AGBL2: variants seen among roughly 807,000 people sequenced by gnomAD.
AGBL2 encodes the protein cytosolic carboxypeptidase 2.
Under a neutral mutation model 103.0 loss-of-function variants are expected in AGBL2, and 87 were observed. The ratio of observed to expected loss-of-function variants is 0.84; its 90% CI spans 0.71 to 1.01. The LOEUF is 1.01. Among genes scored for constraint, AGBL2 ranks in the 50% least tolerant of loss-of-function variants. The pLI, the probability that AGBL2 is intolerant of heterozygous loss-of-function variation, is 0.00. For missense variants in AGBL2, 904 were observed against 1,023.5 expected (o/e 0.88, Z 1.59); for synonymous variants, 335 against 356.7 (o/e 0.94, Z 0.69).
rs56307962 is a variant in AGBL2 at position 47,679,058 on chromosome 11, C to CAAAAAAAAAAAA, written c.2016+903_2016+914dup. ...TGGGCGACAGATGGAGACCCTGTCT[C>CAAAAAAAAAAAA]AAAAAAAAAAAAAAAAAAAAAAAAA... On this transcript the variant is annotated intron_variant, in intron 13 of 18. Coordinates refer to ENST00000525123, the MANE Select transcript of AGBL2 (RefSeq NM_024783.4). 5.3e-4 allele frequency among the ~76,000 whole-genome samples: 15 copies of CAAAAAAAAAAAA among 28,194 alleles called. 1 individual carries two copies. Among genetic ancestry groups the CAAAAAAAAAAAA allele is most frequent in the African/African-American group, 2.7e-3 (12 of 4,440 alleles). The allele number at this position is 28,194 out of a possible 152,430, so 18.5% of individuals were successfully genotyped here.
chr11:47,690,432 T>C lies in AGBL2; in HGVS notation c.1275A>G (p.Leu425=). The C allele has an allele frequency of 6.2e-7, 1 of 1,614,144 alleles. No homozygotes were observed. Among genetic ancestry groups the C allele is most frequent in the Non-Finnish European group, 8.5e-7 (1 of 1,180,016 alleles). Reference sequence around the variant, plus strand: ...CGGTATTTCCTGCTAGGCTCCTGCATAAAGTTTGGAGCTTGCAGAACTGAG... The same window carrying C: ...CGGTATTTCCTGCTAGGCTCCTGCACAAAGTTTGGAGCTTGCAGAACTGAG... The part of the protein sequence containing the change: ...IQSQFCKLQT[L]CRSLAGNTVY... Residue 425 remains leucine, a synonymous_variant, in exon 10 of 19, where the codon TTA becomes TTG. Coordinates refer to ENST00000525123, the MANE Select transcript of AGBL2 (RefSeq NM_024783.4).
At chr11:47,694,229 C>CAAA (rs34944577) in intron 8 of AGBL2, among the ~76,000 whole-genome samples, 1 of 125,812 alleles carries the variant, frequency 7.9e-6, no homozygotes, top group Non-Finnish European at 1.7e-5. Flanking sequence ...ACTCCCAAGC[C>CAAA]AAAAAAAAAA....
chr11:47,699,610 A>G, intron 7 of AGBL2, 57 bp from the exon 8 acceptor site: 1 of 933,836 alleles, frequency 1.1e-6, no homozygotes, highest in Non-Finnish European at 1.6e-6. Flanking sequence ...CGGCACTATC[A>G]GAACTAATAT....
At chr11:47,685,652 C>A (rs1209232825) in intron 11 of AGBL2, among the ~76,000 whole-genome samples, 1 of 151,834 alleles carries the variant, frequency 6.6e-6, no homozygotes, top group African/African-American at 2.4e-5. Flanking sequence ...GAACTCCTGA[C>A]CTCAGGTAAT....
intron 15 of AGBL2, among the ~76,000 whole-genome samples, chr11:47,668,312 G>A (rs1188063344): frequency 1.3e-5 from 2 of 149,122 alleles, no homozygotes; most frequent in Non-Finnish European, 3.0e-5. Flanking sequence ...TTTGAGACCA[G>A]GATGGCCAAC....
chr11:47,678,338 A>ATTT (rs1196435610), intron 13 of AGBL2, among the ~76,000 whole-genome samples: 7 of 95,284 alleles, frequency 7.3e-5, no homozygotes, highest in South Asian at 3.8e-4. Flanking sequence ...TTATTTTATT[A>ATTT]TTTTATTTTT....
At position 47,685,996 on chromosome 11, in the gene AGBL2, C is replaced by T. The variant is rs570238638; in HGVS notation, c.1685G>A (p.Arg562His). The change falls in exon 11 of 19, where the codon CGT (arginine) becomes CAT (histidine). Residue 562 changes from arginine to histidine, a missense_variant. By Grantham distance (29) the Arg-to-His change is conservative. Coordinates refer to ENST00000525123, the MANE Select transcript of AGBL2 (RefSeq NM_024783.4). ...LLYCDFHGHS[R>H]KNNIFLYGCN... is the part of the protein sequence containing the mutation. Reference sequence around the variant, plus strand: ...GCCATACAGGAAGATATTATTCTTACGACTGTGGCCATGGAAATCACAATA... The same window carrying T: ...GCCATACAGGAAGATATTATTCTTATGACTGTGGCCATGGAAATCACAATA... 6.3e-5 allele frequency: 101 copies of T among 1,613,926 alleles called. No individual in the cohort carries two copies. In the East Asian group the frequency reaches 1.6e-3, roughly 25 times the overall value.
chr11:47,705,750 G>T, intron 5 of AGBL2, 114 bp downstream of exon 5: 1 of 931,226 alleles, frequency 1.1e-6, no homozygotes, highest in Non-Finnish European at 1.8e-6. Context: ...GTGCTCATCA[G>T]GCATGAATCC....
intron 12 of AGBL2, among the ~76,000 whole-genome samples, chr11:47,680,785 T>A (rs2097398234): frequency 2.7e-5 from 1 of 36,764 alleles, no homozygotes. Flanking sequence ...AGGGAGACCC[T>A]GAAACAAAAC....
At chr11:47,667,519 T>C in intron 16 of AGBL2, 52 bp downstream of exon 16, 1 of 1,597,896 alleles carries the variant, frequency 6.3e-7, no homozygotes, top group Non-Finnish European at 8.5e-7. Context: ...CTTATCCCTC[T>C]ATGGAATGGT....
At chr11:47,680,231 C>A (rs2097396085) in intron 12 of AGBL2, among the ~76,000 whole-genome samples, 158 bp from the exon 13 acceptor site, 1 of 151,684 alleles carries the variant, frequency 6.6e-6, no homozygotes, top group African/African-American at 2.4e-5. Flanking sequence ...GCAGGCAGAT[C>A]ACGAGGTCAG....
chr11:47,692,402 A>ATT, intron 8 of AGBL2, 146 bp from the exon 9 acceptor site: 15 of 275,828 alleles, frequency 5.4e-5, no homozygotes, highest in South Asian at 2.1e-4. Context: ...GAGACTTTTA[A>ATT]TCTTTTTTTT....
Position 47,701,465 on chromosome 11 carries a change from G to A in AGBL2, c.587-1912C>T, listed in dbSNP as rs181288626. On this transcript the variant is annotated intron_variant, in intron 7 of 18. Coordinates refer to ENST00000525123, the MANE Select transcript of AGBL2 (RefSeq NM_024783.4). ...AGACTGGGCGACAGAGCAAGACTCCGTCTCAAAAAAAAAAAAAAAAAAGAT... is the reference window on the plus strand; with the variant it reads ...AGACTGGGCGACAGAGCAAGACTCCATCTCAAAAAAAAAAAAAAAAAAGAT... Among the ~76,000 whole-genome samples, 149 of 117,876 alleles carry A rather than the reference G, an allele frequency of 1.3e-3. 2 individuals are homozygous for A. Among genetic ancestry groups the A allele is most frequent in the Middle Eastern group, 5.1e-3 (1 of 196 alleles). The allele number at this position is 117,876 out of a possible 152,430, so 77.3% of individuals were successfully genotyped here.
At chr11:47,661,266 C>T (rs527585782) in intron 18 of AGBL2, among the ~76,000 whole-genome samples, 1 of 152,220 alleles carries the variant, frequency 6.6e-6, no homozygotes, top group South Asian at 2.1e-4. Context: ...TATGTTACAA[C>T]CTAATTAGTA....
intron 7 of AGBL2, among the ~76,000 whole-genome samples, chr11:47,702,868 C>T (rs1023486788): frequency 6.6e-5 from 10 of 151,404 alleles, no homozygotes; most frequent in South Asian, 2.1e-4. Flanking sequence ...AGCAAGACTC[C>T]GTCTCAGAAA....
At chr11:47,683,800 A>G (rs2097411997) in intron 11 of AGBL2, among the ~76,000 whole-genome samples, 3 of 151,168 alleles carry the variant, frequency 2.0e-5, no homozygotes, top group Non-Finnish European at 4.4e-5. Context: ...ATACTTTTCT[A>G]AAGCCAGTGC....
chr11:47,681,749 C>T (rs1306715562), intron 12 of AGBL2, among the ~76,000 whole-genome samples: 3 of 152,330 alleles, frequency 2.0e-5, no homozygotes, highest in Non-Finnish European at 4.4e-5. Flanking sequence ...TGAGCCACTG[C>T]GCCTGGCCTG....
At chr11:47,691,184 A>T (rs1187385541) in intron 9 of AGBL2, among the ~76,000 whole-genome samples, 1 of 151,826 alleles carries the variant, frequency 6.6e-6, no homozygotes, top group African/African-American at 2.4e-5. Flanking sequence ...GAATCACTTG[A>T]ACCCACGAGG....
chr11:47,675,375 GTTTTTTTTT>G (rs34044161), intron 14 of AGBL2, among the ~76,000 whole-genome samples: 3 of 55,114 alleles, frequency 5.4e-5, no homozygotes, highest in East Asian at 1.3e-3. Flanking sequence ...CCCCTGCTAA[GTTTTTTTTT>G]TTTTTTTTTT....
Sources: allele counts gnomAD v4.1 joint callset (sites outside exome capture counted in the v4.1 genomes callset), GRCh38; gene constraint gnomAD v4.1.1; transcripts MANE v1.5; gene names NCBI Gene and HGNC (gene_info 2026-07-23, HGNC 2026-07-21).